MKI67: variants seen among roughly 807,000 people sequenced by gnomAD.
MKI67 encodes the protein marker of proliferation Ki-67.
Under a neutral mutation model 233.5 loss-of-function variants are expected in MKI67, and 152 were observed. That is an observed-to-expected ratio of 0.65 (90% CI 0.57 to 0.74). MKI67 has a LOEUF of 0.74. MKI67 is among the 30% of genes least tolerant of loss of function. MKI67 has a pLI of 0.00. For missense variants in MKI67, 3,940 were observed against 3,885.2 expected (o/e 1.01, Z -0.37); for synonymous variants, 1,465 against 1,418.5 (o/e 1.03, Z -0.74).
rs915380301 is a variant in MKI67 at position 128,105,129 on chromosome 10, T to C, written c.6711A>G (p.Pro2237=). The change falls in exon 13 of 15, where the codon CCA becomes CCG. Residue 2237 remains proline (P), a synonymous_variant. Coordinates refer to ENST00000368654, the MANE Select transcript of MKI67 (RefSeq NM_002417.5). The stretch of plus-strand genomic sequence containing the variant: ...CTTTCCTGAGACTTCTCTTGGACTG[T>C]GGCTTGAAGATTGTTGGGGTACCCA... ...DPVGTPTIFK[P]QSKRSLRKAD... 1.2e-6 allele frequency: 2 copies of C among 1,613,916 alleles called. No individual in the cohort carries two copies. Among genetic ancestry groups the C allele is most frequent in the Non-Finnish European group, 8.5e-7 (1 of 1,179,992 alleles).
rs1328176146 is a variant in MKI67, at chr10:128,104,182, G to C, written c.7658C>G (p.Ala2553Gly). 2 of 1,614,012 alleles carry C rather than the reference G, an allele frequency of 1.2e-6. No homozygotes were observed. Among genetic ancestry groups the C allele is most frequent in the South Asian group, 2.2e-5 (2 of 91,076 alleles). ...RRQLRTRKEK[A>G]RALEDLVDFK... ...GTCAACCAGGTCTTCTAGAGCACGG[G>C]CCTTTTCCTTACGAGTTCTCAGCTG... The change falls in exon 13 of 15, where the codon GCC becomes GGC. Residue 2553 changes from alanine (A) to glycine (G), a missense_variant. Coordinates refer to ENST00000368654, the MANE Select transcript of MKI67 (RefSeq NM_002417.5).
Position 128,104,200 on chromosome 10 carries a change from C to T in MKI67, c.7640G>A (p.Arg2547Lys), listed in dbSNP as rs1438343015. 1 of 1,612,970 alleles carries T rather than the reference C, an allele frequency of 6.2e-7. No homozygotes were observed. Among genetic ancestry groups the T allele is most frequent in the East Asian group, 2.2e-5 (1 of 44,734 alleles). Residue 2547 changes from arginine to lysine, a missense_variant, in exon 13 of 15, where the codon AGA (arginine) becomes AAA (lysine). Arg to Lys is a conservative substitution (Grantham distance 26). Transcript: ENST00000368654. ...ASVTGSRRQL[R>K]TRKEKARALE... ...AGCACGGGCCTTTTCCTTACGAGTT[C>T]TCAGCTGCCTCCTGCTACCAGTTAC...
Position 128,106,899 on chromosome 10 carries a change from TAGG to T in MKI67, c.4938_4940del (p.Leu1647del). 6.2e-7 allele frequency: 1 copy of T among 1,614,188 alleles called. No individual in the cohort carries two copies. The highest frequency in any genetic ancestry group is 8.5e-7 in the Non-Finnish European group (1 of 1,180,014). On this transcript the variant is annotated inframe_deletion, in exon 13 of 15. Transcript: ENST00000368654. The stretch of plus-strand genomic sequence containing the variant: ...ATGTCTGTGTGAGCTTGCCAACTGC[TAGG>T]AGCTCTTCTTTCACGCCCACTTTCC...
In MKI67 at chr10:128,106,384, A is replaced by T; in HGVS notation, c.5456T>A (p.Leu1819Gln). 2 of 1,611,122 alleles carry T rather than the reference A, an allele frequency of 1.2e-6. No homozygotes were observed. The highest frequency in any genetic ancestry group is 2.2e-5 in the South Asian group (2 of 90,926). The change falls in exon 13 of 15, where the codon CTA becomes CAA. Residue 1819 changes from leucine (L) to glutamine (Q), a missense_variant. Coordinates refer to ENST00000368654, the MANE Select transcript of MKI67 (RefSeq NM_002417.5). ...CTGGGCCTTTTCCTTACGAGTTTGT[A>T]GCCGTCTATTGCTGCCAGGTAAATT... ...PGNLPGSNRR[L>Q]QTRKEKAQAL...
At chr10:128,113,281 T>C in intron 8 of MKI67, 146 bp downstream of exon 8, 2 of 995,422 alleles carry the variant, frequency 2.0e-6, no homozygotes, top group Non-Finnish European at 2.9e-6. Flanking sequence ...ATCAATGAGC[T>C]TTCATTCGTC....
Position 128,108,025 on chromosome 10 carries a change from C to T in MKI67, c.3815G>A (p.Ser1272Asn). 6.2e-7 allele frequency: 1 copy of T among 1,612,970 alleles called. No homozygotes were observed. The change falls in exon 13 of 15, where the codon AGT (serine) becomes AAT (asparagine). Residue 1272 changes from serine (S) to asparagine (N), a missense_variant. Physicochemically the swap from Ser to Asn is conservative, Grantham distance 46. Transcript: ENST00000368654. ...TCCCTCTACATCTGCTTTCCTGATA[C>T]TTCTCTTGGGTCGTTGCTTTGTGCT... The part of the protein sequence containing the change: ...PTSTKQRPKR[S>N]IRKADVEGEL...
At position 128,114,927 on chromosome 10, in the gene MKI67, C is replaced by T. The variant is rs149318134; in HGVS notation, c.1480+1G>A. 2.6e-6 allele frequency: 4 copies of T among 1,545,286 alleles called. No individual in the cohort carries two copies. Among genetic ancestry groups the T allele is most frequent in the Non-Finnish European group, 3.5e-6 (4 of 1,146,950 alleles). On this transcript the variant is annotated splice_donor_variant, in intron 7 of 14. Transcript: ENST00000368654. LOFTEE classifies it high-confidence loss of function. ...ATAAATTTACAATTAAATAAACTTACTAATGGAATCACCAAAGTTGTTGAT... is the reference window on the plus strand; with the variant it reads ...ATAAATTTACAATTAAATAAACTTATTAATGGAATCACCAAAGTTGTTGAT...
chr10:128,110,906 C>T (rs1374422946), intron 11 of MKI67, among the ~76,000 whole-genome samples: 1 of 152,352 alleles, frequency 6.6e-6, no homozygotes, highest in East Asian at 1.9e-4. Context: ...CTTCATGCTT[C>T]TCAAAGTCTT....
Position 128,101,689 on chromosome 10 carries a change from G to A in MKI67, c.9274C>T (p.Arg3092Cys), listed in dbSNP as rs371737027. ...SVPENKGISLRSRRQNKTEAE... is the reference protein window; with the variant it reads ...SVPENKGISLCSRRQNKTEAE... Reference sequence around the variant, plus strand: ...TCAGTCTTATTTTGGCGTCTGGAGCGCAGGGATATTCCCTAAAGAAATGAG... The same window carrying A: ...TCAGTCTTATTTTGGCGTCTGGAGCACAGGGATATTCCCTAAAGAAATGAG... The change falls in exon 14 of 15, where the codon CGC becomes TGC. Residue 3092 changes from arginine (R) to cysteine (C), a missense_variant. Coordinates refer to ENST00000368654, the MANE Select transcript of MKI67 (RefSeq NM_002417.5). 63 of 1,594,628 alleles carry A rather than the reference G, an allele frequency of 4.0e-5. No homozygotes were observed. Among genetic ancestry groups the A allele is most frequent in the Middle Eastern group, 1.7e-4 (1 of 5,974 alleles).
intron 5 of MKI67, among the ~76,000 whole-genome samples, chr10:128,117,910 G>T (rs1483076941): frequency 6.6e-6 from 1 of 152,196 alleles, no homozygotes; most frequent in Non-Finnish European, 1.5e-5. Context: ...AGAACAAACA[G>T]TTCCTAGACT....
chr10:128,097,052 CAG>C lies in MKI67; in HGVS notation c.*2136_*2137del, dbSNP rs749697087. ...TAAGGGAGGCAGGAGATGGTAGGTA[CAG>C]AGTTAGTGTAAGAAAGCCCAAGAGA... On this transcript the variant is annotated 3_prime_UTR_variant, in exon 15 of 15. Coordinates refer to ENST00000368654, the MANE Select transcript of MKI67 (RefSeq NM_002417.5). 4 of 152,196 alleles carry C rather than the reference CAG, an allele frequency of 2.6e-5. No homozygotes were observed. The highest frequency in any genetic ancestry group is 7.2e-5 in the African/African-American group (3 of 41,408). 9.4% of individuals were successfully genotyped at this position (152,196 alleles called of 1,614,324 possible). A position where few individuals can be genotyped will look rare whatever the true frequency, so the allele number is the denominator to read the frequency against.
rs751657165 is a variant in MKI67 at position 128,106,240 on chromosome 10, G to A, written c.5600C>T (p.Ala1867Val). Residue 1867 changes from alanine to valine, a missense_variant, in exon 13 of 15, where the codon GCG becomes GTG. Transcript: ENST00000368654. Reference protein sequence around the residue: ...ILCKSPQSDPADTPTNTKQRP... With the variant: ...ILCKSPQSDPVDTPTNTKQRP... ...TTGCTTTGTGTTTGTTGGGGTGTCC[G>A]CTGGGTCTGATTGCGGAGATTTGCA... is the stretch of plus-strand genomic sequence containing the variant. 58 of 1,613,168 alleles carry A rather than the reference G, an allele frequency of 3.6e-5. No individual in the cohort carries two copies. The Admixed American group carries it at 4.2e-4, about 12-fold the overall frequency.
rs748057054 is a variant in MKI67 at position 128,104,441 on chromosome 10, G to A, written c.7399C>T (p.Pro2467Ser). ...DKITEVSCKS[P>S]QPESFKTSRS... ...GAGGTTTTGAATGACTCTGGCTGTG[G>A]AGATTTACAGGATACTTCTGTGATT... Residue 2467 changes from proline (P) to serine (S), a missense_variant, in exon 13 of 15, where the codon CCA (proline) becomes TCA (serine). Pro to Ser is a moderately conservative substitution (Grantham distance 74). Transcript: ENST00000368654. 8.1e-6 allele frequency: 13 copies of A among 1,613,772 alleles called. No homozygotes were observed. Among genetic ancestry groups the A allele is most frequent in the African/African-American group, 2.7e-5 (2 of 74,808 alleles).
rs1419992295 is a variant in MKI67, at chr10:128,105,115, C to T, written c.6725G>A (p.Ser2242Asn). The T allele has an allele frequency of 6.2e-7, 1 of 1,613,384 alleles. No individual in the cohort carries two copies. Among genetic ancestry groups the T allele is most frequent in the Non-Finnish European group, 8.5e-7 (1 of 1,179,946 alleles). ...PTIFKPQSKR[S>N]LRKADVEEES... ...TTCCTCTACGTCTGCTTTCCTGAGACTTCTCTTGGACTGTGGCTTGAAGAT... is the reference window on the plus strand; with the variant it reads ...TTCCTCTACGTCTGCTTTCCTGAGATTTCTCTTGGACTGTGGCTTGAAGAT... The change falls in exon 13 of 15, where the codon AGT becomes AAT. Residue 2242 changes from serine to asparagine, a missense_variant. Transcript: ENST00000368654.
In MKI67 at chr10:128,102,903, G is replaced by A. The variant is rs756992586; in HGVS notation, c.8937C>T (p.Asp2979=). The stretch of plus-strand genomic sequence containing the variant: ...TGCTTTTGCTTTGTGATTTTACAGG[G>A]TCTCTGGTGCTTACCACGTCTCCCA... The part of the protein sequence containing the change: ...EPVGDVVSTR[D]PVKSQSKSNT... Residue 2979 remains aspartate (D), a synonymous_variant, in exon 13 of 15, where the codon GAC becomes GAT. Coordinates refer to ENST00000368654, the MANE Select transcript of MKI67 (RefSeq NM_002417.5). 2 of 1,614,146 alleles carry A rather than the reference G, an allele frequency of 1.2e-6. No individual in the cohort carries two copies. Among genetic ancestry groups the A allele is most frequent in the Non-Finnish European group, 1.7e-6 (2 of 1,180,038 alleles).
At position 128,103,637 on chromosome 10, in the gene MKI67, C is replaced by T; in HGVS notation, c.8203G>A (p.Glu2735Lys). The T allele has an allele frequency of 2.5e-6, 4 of 1,614,156 alleles. No homozygotes were observed. The highest frequency in any genetic ancestry group is 3.4e-6 in the Non-Finnish European group (4 of 1,180,042). The change falls in exon 13 of 15, where the codon GAA (glutamate) becomes AAA (lysine). Residue 2735 changes from glutamate (E) to lysine (K), a missense_variant. Glu to Lys is a moderately conservative substitution (Grantham distance 56, BLOSUM62 1). Coordinates refer to ENST00000368654, the MANE Select transcript of MKI67 (RefSeq NM_002417.5). Reference sequence around the variant, plus strand: ...GTGAACTTGACTGCTGAAGGCTCTTCTTTTACTTGTACCTTCTGCACACGT... The same window carrying T: ...GTGAACTTGACTGCTGAAGGCTCTTTTTTTACTTGTACCTTCTGCACACGT... ...RTRVQKVQVK[E>K]EPSAVKFTQT... is the part of the protein sequence containing the mutation.
rs770688089 is a variant in MKI67 at position 128,105,523 on chromosome 10, G to T, written c.6317C>A (p.Pro2106Gln). The T allele has an allele frequency of 1.2e-6, 2 of 1,614,042 alleles. No individual in the cohort carries two copies. Among genetic ancestry groups the T allele is most frequent in the Admixed American group, 3.3e-5 (2 of 60,008 alleles). The change falls in exon 13 of 15, where the codon CCA becomes CAA. Residue 2106 changes from proline (P) to glutamine (Q), a missense_variant. By Grantham distance (76) the Pro-to-Gln change is moderately conservative (BLOSUM62 -1). Coordinates refer to ENST00000368654, the MANE Select transcript of MKI67 (RefSeq NM_002417.5). Reference sequence around the variant, plus strand: ...TGGAGTGTCCATTGATTCTGGTGGTGGAGATTTGCAGGCTATTTTGGTAGT... The same window carrying T: ...TGGAGTGTCCATTGATTCTGGTGGTTGAGATTTGCAGGCTATTTTGGTAGT... Reference protein sequence around the residue: ...DKTTKIACKSPPPESMDTPTS... With the variant: ...DKTTKIACKSQPPESMDTPTS...
intron 2 of MKI67, among the ~76,000 whole-genome samples, chr10:128,124,896 T>C (rs758575436): frequency 1.2e-4 from 9 of 75,796 alleles, no homozygotes; most frequent in Non-Finnish European, 2.8e-4. Context: ...AGGTAGGGGA[T>C]GGGGTTGGGA....
At position 128,106,221 on chromosome 10, in the gene MKI67, TG is replaced by T; in HGVS notation, c.5618del (p.Thr1873LysfsTer14). 1.9e-6 allele frequency: 3 copies of T among 1,613,048 alleles called. No homozygotes were observed. Among genetic ancestry groups the T allele is most frequent in the Non-Finnish European group, 2.5e-6 (3 of 1,179,798 alleles). ...TGAGGCTTCTCTTGGGCCGTTGCTTTGTGTTTGTTGGGGTGTCCGCTGGGTC... is the reference window on the plus strand; with the variant it reads ...TGAGGCTTCTCTTGGGCCGTTGCTTTTGTTTGTTGGGGTGTCCGCTGGGTC... ...QSDPADTPTN[T>X]KQRPKRSLKK... On this transcript the variant is annotated frameshift_variant, in exon 13 of 15. Transcript: ENST00000368654. LOFTEE classifies it high-confidence loss of function.
Sources: allele counts gnomAD v4.1 joint callset (sites outside exome capture counted in the v4.1 genomes callset), GRCh38; gene constraint gnomAD v4.1.1; transcripts MANE v1.5; gene names NCBI Gene and HGNC (gene_info 2026-07-23, HGNC 2026-07-21).